The following DKKL1 variants were observed in gnomAD, a reference collection of about 807,000 sequenced individuals.
The protein encoded by DKKL1 is dickkopf-like protein 1.
A neutral mutation model predicts 16.5 loss-of-function variants in DKKL1; 11 were observed. The ratio of observed to expected loss-of-function variants is 0.67; its 90% CI spans 0.42 to 1.10. The LOEUF (loss-of-function observed/expected upper bound fraction) is 1.10, where lower values mean the gene tolerates loss of function less well. DKKL1 is among the 50% of genes least tolerant of loss of function. DKKL1 has a pLI of 0.00. For synonymous variants in DKKL1, 119 were observed against 133.2 expected, an observed-to-expected ratio of 0.89 and a Z score of 0.73; for missense variants, 320 against 308.1, an observed-to-expected ratio of 1.04 and a Z score of -0.29.
chr19:49,364,602 A>G lies in DKKL1; in HGVS notation c.31A>G (p.Arg11Gly). The change falls in exon 2 of 5, where the codon AGG becomes GGG. Residue 11 changes from arginine to glycine, a missense_variant. Physicochemically the swap from Arg to Gly is moderately radical, Grantham distance 125 (BLOSUM62 -2). Coordinates refer to ENST00000221498, the MANE Select transcript of DKKL1 (RefSeq NM_014419.4). ...CACAGCCTCCCCACCTGCCCCCGCA[A>G]GGCGGCATCTGCTGGTCCTGCTGCT... Reference protein sequence around the residue: MGEASPPAPARRHLLVLLLLL... With the variant: MGEASPPAPAGRHLLVLLLLL... 1 of 1,612,372 alleles carries G rather than the reference A, an allele frequency of 6.2e-7. No individual in the cohort carries two copies. Among genetic ancestry groups the G allele is most frequent in the Non-Finnish European group, 8.5e-7 (1 of 1,179,746 alleles).
chr19:49,365,355 C>T (rs758009451), intron 2 of DKKL1, among the ~76,000 whole-genome samples, 154 bp from the exon 3 acceptor site: 6 of 151,782 alleles, frequency 4.0e-5, no homozygotes, highest in African/African-American at 2.4e-5. Flanking sequence ...GGATGGAGGC[C>T]GGAGGTTAGG....
In DKKL1 at chr19:49,365,831, G is replaced by C. The variant is rs527385357; in HGVS notation, c.363G>C (p.Glu121Asp). 6.2e-7 allele frequency: 1 copy of C among 1,614,198 alleles called. No homozygotes were observed. The highest frequency in any genetic ancestry group is 8.5e-7 in the Non-Finnish European group (1 of 1,180,034). The change falls in exon 4 of 5, where the codon GAG (glutamate) becomes GAC (aspartate). Residue 121 changes from glutamate to aspartate, a missense_variant. Transcript: ENST00000221498. ...AGACAGGAGAGGTGCTGATCTCCGA[G>C]AATGTGGTGGCATCCATTCAACCAG... Reference protein sequence around the residue: ...DNKTGEVLISENVVASIQPAE... With the variant: ...DNKTGEVLISDNVVASIQPAE...
At chr19:49,370,872 G>C (rs1438026219) in intron 4 of DKKL1, 2 of 152,212 alleles carry the variant, frequency 1.3e-5, no homozygotes, top group Non-Finnish European at 2.9e-5. Context: ...GAGATGCCAA[G>C]AAAAAAGATT....
chr19:49,364,718 G>A lies in DKKL1; in HGVS notation c.147G>A (p.Gln49=). The A allele has an allele frequency of 1.2e-6, 2 of 1,613,920 alleles. No individual in the cohort carries two copies. Among genetic ancestry groups the A allele is most frequent in the Admixed American group, 1.7e-5 (1 of 59,902 alleles). ...QESSLGLTGL[Q]SLLQGFSRLF... ...GCTCCTTGGGTCTCACAGGCCTCCA[G>A]AGCCTACTCCAAGGCTTCAGCCGAC... Residue 49 remains glutamine, a synonymous_variant, in exon 2 of 5, where the codon CAG becomes CAA. Coordinates refer to ENST00000221498, the MANE Select transcript of DKKL1 (RefSeq NM_014419.4).
intron 2 of DKKL1, among the ~76,000 whole-genome samples, chr19:49,365,206 A>T (rs1973202040): frequency 6.9e-6 from 1 of 144,238 alleles, no homozygotes; most frequent in African/African-American, 2.6e-5. Context: ...ATAAGAGAGG[A>T]AAGGTAACAG....
At chr19:49,361,379 G>A (rs66537808), upstream of DKKL1, 34,242 of 153,184 alleles carry the variant, frequency 0.22, 4,020 homozygotes, top group Non-Finnish European at 0.25. Context: ...GAGACCCAGA[G>A]AAAGGGAGAC....
intron 4 of DKKL1, chr19:49,370,164 CT>C (rs1194988693): frequency 6.6e-6 from 1 of 152,188 alleles, no homozygotes; most frequent in East Asian, 1.9e-4. Context: ...TGCCCCATGG[CT>C]TTGGAAGGCC....
intron 4 of DKKL1, among the ~76,000 whole-genome samples, chr19:49,367,483 T>A (rs947398627): frequency 4.6e-5 from 7 of 150,878 alleles, no homozygotes; most frequent in Admixed American, 4.6e-4. Flanking sequence ...CTCAGCTCAC[T>A]GCAACCTCCA....
At chr19:49,364,514 C>G (rs1973172949) in intron 1 of DKKL1, 68 bp from the exon 2 acceptor site, 2 of 1,438,194 alleles carry the variant, frequency 1.4e-6, no homozygotes, top group Non-Finnish European at 9.4e-7. Flanking sequence ...GGGCAAGGTG[C>G]TGGAGAGGGG....
intron 4 of DKKL1, among the ~76,000 whole-genome samples, chr19:49,371,356 T>C (rs1973476560): frequency 6.6e-6 from 1 of 152,212 alleles, no homozygotes; most frequent in African/African-American, 2.4e-5. Flanking sequence ...TCTCTGGACT[T>C]TTACATTCTC....
upstream of DKKL1, chr19:49,363,853 G>A: frequency 8.4e-7 from 1 of 1,196,790 alleles, no homozygotes. Flanking sequence ...TACGGCTCGC[G>A]GAGCGCAACC....
At chr19:49,367,932 T>C (rs758600621) in intron 4 of DKKL1, among the ~76,000 whole-genome samples, 1 of 152,108 alleles carries the variant, frequency 6.6e-6, no homozygotes, top group African/African-American at 2.4e-5. Context: ...TCCTAGCAAT[T>C]TGGGAGGCTG....
intron 1 of DKKL1, 137 bp downstream of exon 1, chr19:49,364,145 T>C: frequency 8.5e-7 from 1 of 1,181,222 alleles, no homozygotes; most frequent in African/African-American, 1.5e-5. Flanking sequence ...AGATCAGGAG[T>C]TCGAGACCAG....
In DKKL1 at chr19:49,375,095, TAA is replaced by T; in HGVS notation, c.*69_*70del. ...CCCTGCCCCAAGCACCATATGGAAA[TAA>T]AGTTCTTTCTTACATCTAACAACAC... On this transcript the variant is annotated 3_prime_UTR_variant, in exon 5 of 5. Coordinates refer to ENST00000221498, the MANE Select transcript of DKKL1 (RefSeq NM_014419.4). 6.8e-7 allele frequency: 1 copy of T among 1,477,616 alleles called. No homozygotes were observed. Among genetic ancestry groups the T allele is most frequent in the Non-Finnish European group, 9.0e-7 (1 of 1,109,376 alleles). The allele number at this position is 1,477,616 out of a possible 1,614,324, so 91.5% of individuals were successfully genotyped here. A position where few individuals can be genotyped will look rare whatever the true frequency, so the allele number is the denominator to read the frequency against.
intron 4 of DKKL1, among the ~76,000 whole-genome samples, chr19:49,374,327 T>A (rs548801050): frequency 6.6e-6 from 1 of 152,312 alleles, no homozygotes; most frequent in East Asian, 1.9e-4. Context: ...GGATCACACA[T>A]TGCATTTATG....
intron 4 of DKKL1, 42 bp downstream of exon 4, chr19:49,365,927 TTTTC>T (rs779031200): frequency 2.3e-5 from 36 of 1,550,290 alleles, no homozygotes; most frequent in Non-Finnish European, 2.9e-5. Context: ...GGCCCAAACA[TTTTC>T]TTTTTTTCTT....
intron 4 of DKKL1, among the ~76,000 whole-genome samples, chr19:49,367,324 C>A (rs559568938): frequency 1.4e-4 from 21 of 152,216 alleles, no homozygotes; most frequent in Admixed American, 7.2e-4. Flanking sequence ...GCATGAGCTA[C>A]TGCGCCTGGC....
intron 4 of DKKL1, among the ~76,000 whole-genome samples, chr19:49,366,666 T>C (rs1973259699): frequency 3.3e-5 from 5 of 151,552 alleles, no homozygotes; most frequent in Admixed American, 2.6e-4. Flanking sequence ...ATGTTTTTGT[T>C]GTTATTGTGG....
chr19:49,374,638 G>A, intron 4 of DKKL1, 79 bp from the exon 5 acceptor site: 1 of 1,360,982 alleles, frequency 7.3e-7, no homozygotes, highest in Non-Finnish European at 9.8e-7. Context: ...TGCAAAGTGG[G>A]CTGAATAGGT....
Sources: allele counts gnomAD v4.1 joint callset (sites outside exome capture counted in the v4.1 genomes callset), GRCh38; gene constraint gnomAD v4.1.1; transcripts MANE v1.5; gene names NCBI Gene and HGNC (gene_info 2026-07-23, HGNC 2026-07-21).